Variants in GLG1 observed in about 807,000 individuals in gnomAD.
GLG1 encodes golgi glycoprotein 1.
A neutral mutation model predicts 160.5 loss-of-function variants in GLG1; 38 were observed. That is an observed-to-expected ratio of 0.24 (90% confidence interval 0.18 to 0.31). GLG1 has a LOEUF of 0.31. Ranked by LOEUF, GLG1 falls within the 10% of genes least tolerant of loss-of-function variation. GLG1 has a pLI of 1.00. For missense variants in GLG1, 1,373 were observed against 1,505.2 expected (o/e 0.91, Z 1.45); for synonymous variants, 644 against 543.4 (o/e 1.19, Z -2.57).
Position 74,474,638 on chromosome 16 carries a change from A to T in GLG1, c.1966-6T>A. On this transcript the variant is annotated splice_region_variant and splice_polypyrimidine_tract_variant and intron_variant, in intron 12 of 25. Transcript: ENST00000422840. ...TCCTGAAGGCACTCCAGCTCCTGCA[A>T]ATATAAAGGCAAGCCACTGGCATTT... The T allele has an allele frequency of 7.0e-7, 1 of 1,424,182 alleles. No homozygotes were observed. Among genetic ancestry groups the T allele is most frequent in the Non-Finnish European group, 9.9e-7 (1 of 1,006,336 alleles). 88.2% of individuals were successfully genotyped at this position (1,424,182 alleles called of 1,614,324 possible). A position where few individuals can be genotyped will look rare whatever the true frequency, so the allele number is the denominator to read the frequency against.
intron 3 of GLG1, 102 bp from the exon 4 acceptor site, chr16:74,503,848 A>T: frequency 1.3e-6 from 1 of 765,088 alleles, no homozygotes; most frequent in Admixed American, 2.5e-5. Flanking sequence ...TTGATTTCCT[A>T]ATTCTTTACT....
intron 7 of GLG1, 142 bp from the exon 8 acceptor site, chr16:74,491,357 T>A: frequency 4.5e-6 from 3 of 663,564 alleles, no homozygotes; most frequent in Non-Finnish European, 7.8e-6. Context: ...AGTTTAGAAT[T>A]AGCAAAAGCT....
At chr16:74,524,855 A>G (rs1037205942) in intron 2 of GLG1, among the ~76,000 whole-genome samples, 2 of 152,186 alleles carry the variant, frequency 1.3e-5, no homozygotes, top group Admixed American at 6.5e-5. Context: ...ATCTATTAGC[A>G]GTCACCTACC....
intron 2 of GLG1, among the ~76,000 whole-genome samples, chr16:74,531,520 AT>A (rs1567506960): frequency 6.6e-6 from 1 of 151,726 alleles, no homozygotes; most frequent in Non-Finnish European, 1.5e-5. Flanking sequence ...TGGAGACAGG[AT>A]TCTCCATGTT....
At chr16:74,594,354 G>T (rs1958252973) in intron 1 of GLG1, among the ~76,000 whole-genome samples, 1 of 152,148 alleles carries the variant, frequency 6.6e-6, no homozygotes, top group Non-Finnish European at 1.5e-5. Flanking sequence ...GCCTTTAATA[G>T]GAAAATGTAC....
chr16:74,470,111 G>A (rs1222173858), intron 15 of GLG1, 38 bp from the exon 16 acceptor site: 2 of 1,261,670 alleles, frequency 1.6e-6, no homozygotes, highest in Admixed American at 1.7e-5. Context: ...AAGTTTTGTG[G>A]CAACTTGTGG....
intron 7 of GLG1, among the ~76,000 whole-genome samples, chr16:74,492,097 G>A (rs567061932): frequency 6.6e-6 from 1 of 151,092 alleles, no homozygotes; most frequent in East Asian, 2.0e-4. Flanking sequence ...TTTCAAAAAT[G>A]AAAACTAGGC....
chr16:74,572,918 T>C (rs1453951425), intron 1 of GLG1, among the ~76,000 whole-genome samples: 1 of 152,204 alleles, frequency 6.6e-6, no homozygotes, highest in Non-Finnish European at 1.5e-5. Context: ...GCTCTCAACC[T>C]GTGGGATCTG....
At chr16:74,471,344 T>G in intron 14 of GLG1, 58 bp from the exon 15 acceptor site, 1 of 968,328 alleles carries the variant, frequency 1.0e-6, no homozygotes, top group South Asian at 1.3e-5. Context: ...ACAAAACTTG[T>G]AGCCCAGTCC....
At chr16:74,455,758 C>G (rs2014513153) in intron 25 of GLG1, among the ~76,000 whole-genome samples, 1 of 152,178 alleles carries the variant, frequency 6.6e-6, no homozygotes, top group African/African-American at 2.4e-5. Flanking sequence ...AAAAGCATGG[C>G]TCTAAAAACC....
intron 1 of GLG1, among the ~76,000 whole-genome samples, chr16:74,596,586 T>C (rs1398135514): frequency 1.3e-5 from 2 of 152,224 alleles, no homozygotes; most frequent in Non-Finnish European, 2.9e-5. Flanking sequence ...AAATCAAATG[T>C]GTATTTTATA....
intron 1 of GLG1, among the ~76,000 whole-genome samples, chr16:74,539,425 G>A (rs1053728650): frequency 6.6e-6 from 1 of 151,374 alleles, no homozygotes; most frequent in African/African-American, 2.4e-5. Context: ...ACAGTGAGTG[G>A]GCTATGTTGA....
intron 4 of GLG1, among the ~76,000 whole-genome samples, chr16:74,502,814 C>T (rs1227805572): frequency 6.7e-6 from 1 of 149,016 alleles, no homozygotes; most frequent in East Asian, 2.0e-4. Flanking sequence ...TCGTGATCTG[C>T]CCACCTCAGC....
chr16:74,495,202 C>T (rs1240596009), intron 5 of GLG1, among the ~76,000 whole-genome samples: 1 of 150,242 alleles, frequency 6.7e-6, no homozygotes, highest in South Asian at 2.1e-4. Flanking sequence ...CAACCTCTGC[C>T]TCCTGGGTTC....
intron 1 of GLG1, among the ~76,000 whole-genome samples, chr16:74,606,254 G>C (rs1247033882): frequency 6.6e-6 from 1 of 152,226 alleles, no homozygotes; most frequent in African/African-American, 2.4e-5. Flanking sequence ...AAGTACGCCA[G>C]GCATTTTTTT....
intron 4 of GLG1, among the ~76,000 whole-genome samples, chr16:74,501,400 G>A (rs1257274554): frequency 1.3e-5 from 2 of 152,180 alleles, no homozygotes; most frequent in Admixed American, 6.5e-5. Context: ...TGACAAAAGT[G>A]TCATTTCTAT....
chr16:74,474,255 C>T (rs1597240111), intron 13 of GLG1: 2 of 264,270 alleles, frequency 7.6e-6, no homozygotes, highest in East Asian at 7.0e-5. Flanking sequence ...CCCGGCCGTA[C>T]AGCTGCTATC....
At chr16:74,480,706 C>T (rs1242312275) in intron 10 of GLG1, among the ~76,000 whole-genome samples, 1 of 152,002 alleles carries the variant, frequency 6.6e-6, no homozygotes, top group Admixed American at 6.6e-5. Context: ...GCAACAGGCA[C>T]ACACCAGGCT....
chr16:74,574,801 T>C (rs2018938744), intron 1 of GLG1, among the ~76,000 whole-genome samples: 1 of 138,882 alleles, frequency 7.2e-6, no homozygotes, highest in African/African-American at 2.7e-5. Flanking sequence ...CAAGAATCTC[T>C]TGAACTCGGG....
Sources: gnomAD v4.1 joint callset for allele counts (sites outside exome capture counted in the v4.1 genomes callset) on GRCh38, gnomAD v4.1.1 for gene constraint, MANE v1.5 for transcripts, NCBI Gene and HGNC (gene_info 2026-07-23, HGNC 2026-07-21) for gene names.